OSBPL8: variants seen among roughly 807,000 people sequenced by gnomAD.
The protein encoded by OSBPL8 is oxysterol binding protein like 8.
A neutral mutation model predicts 125.5 loss-of-function variants in OSBPL8; 59 were observed. The observed-to-expected ratio is 0.47, with a 90% CI of 0.38 to 0.58. The LOEUF is 0.58. Among genes scored for constraint, OSBPL8 ranks in the 20% least tolerant of loss-of-function variants. OSBPL8 has a pLI of 0.00. For missense variants in OSBPL8, 758 were observed against 1,047.8 expected (o/e 0.72, Z 3.82); for synonymous variants, 330 against 338.9 (o/e 0.97, Z 0.29).
chr12:76,417,207 A>G (rs1868793536), intron 4 of OSBPL8, among the ~76,000 whole-genome samples: 1 of 152,148 alleles, frequency 6.6e-6, no homozygotes, highest in African/African-American at 2.4e-5. Context: ...TCCATCTGAA[A>G]TCACTCTCCT....
At chr12:76,399,581 A>AT (rs1953963013) in intron 7 of OSBPL8, among the ~76,000 whole-genome samples, 2 of 152,214 alleles carry the variant, frequency 1.3e-5, no homozygotes, top group Admixed American at 6.5e-5. Context: ...CAAGCAATGT[A>AT]TTTTTTACAG....
At chr12:76,521,084 AT>A (rs1423601295) in intron 1 of OSBPL8, among the ~76,000 whole-genome samples, 1 of 152,214 alleles carries the variant, frequency 6.6e-6, no homozygotes, top group Non-Finnish European at 1.5e-5. Flanking sequence ...CACTTCTTAT[AT>A]TTTAAGAATC....
chr12:76,550,413 G>T (rs1160192305), intron 1 of OSBPL8, among the ~76,000 whole-genome samples: 1 of 152,096 alleles, frequency 6.6e-6, no homozygotes, highest in Non-Finnish European at 1.5e-5. Flanking sequence ...CTATTTATTG[G>T]TTTTCATAAT....
At chr12:76,422,894 A>G (rs374559237) in intron 4 of OSBPL8, 23 of 214,870 alleles carry the variant, frequency 1.1e-4, no homozygotes, top group South Asian at 9.4e-4. Flanking sequence ...AGGAACTGAT[A>G]AACATGAAAG....
chr12:76,473,581 GT>G (rs1245633556), intron 2 of OSBPL8, among the ~76,000 whole-genome samples: 1 of 152,142 alleles, frequency 6.6e-6, no homozygotes, highest in African/African-American at 2.4e-5. Flanking sequence ...CTGTACATCA[GT>G]TTTTCAAAAC....
chr12:76,384,376 T>C (rs775134701), intron 14 of OSBPL8, 26 bp from the exon 15 acceptor site: 2 of 1,177,680 alleles, frequency 1.7e-6, no homozygotes, highest in African/African-American at 1.6e-5. Context: ...AAAACATGCA[T>C]ATATAAAATA....
At chr12:76,455,168 G>A (rs1027059830) in intron 3 of OSBPL8, among the ~76,000 whole-genome samples, 9 of 151,892 alleles carry the variant, frequency 5.9e-5, no homozygotes, top group African/African-American at 1.5e-4. Flanking sequence ...GCGTGAACCC[G>A]GGAGGCGGAG....
At chr12:76,511,986 T>C (rs867927184) in intron 1 of OSBPL8, among the ~76,000 whole-genome samples, 1 of 152,198 alleles carries the variant, frequency 6.6e-6, no homozygotes, top group Non-Finnish European at 1.5e-5. Context: ...TTATTTTTAT[T>C]TTGGGTTTGC....
chr12:76,476,077 G>C (rs1876771624), intron 2 of OSBPL8, among the ~76,000 whole-genome samples: 1 of 152,132 alleles, frequency 6.6e-6, no homozygotes, highest in Admixed American at 6.5e-5. Flanking sequence ...ATAAAGAAAA[G>C]TTCCCTAAGA....
rs1312311636 is a variant in OSBPL8 at position 76,354,082 on chromosome 12, T to A, written c.*1807A>T. 6.6e-6 allele frequency: 1 copy of A among 152,290 alleles called. No homozygotes were observed. The highest frequency in any genetic ancestry group is 1.5e-5 in the Non-Finnish European group (1 of 67,780). 9.4% of individuals were successfully genotyped at this position (152,290 alleles called of 1,614,324 possible). ...ATTTAAACCATAAAAAAGATCAAAT[T>A]GTACAATATTTACAGAATATCATAT... On this transcript the variant is annotated 3_prime_UTR_variant, in exon 24 of 24. Coordinates refer to ENST00000261183, the MANE Select transcript of OSBPL8 (RefSeq NM_020841.5).
intron 1 of OSBPL8, among the ~76,000 whole-genome samples, chr12:76,545,212 T>C (rs961390328): frequency 6.6e-6 from 1 of 152,210 alleles, no homozygotes; most frequent in Non-Finnish European, 1.5e-5. Context: ...AACCATATAT[T>C]AATAATTTAG....
chr12:76,445,704 G>C (rs555557341), intron 4 of OSBPL8, among the ~76,000 whole-genome samples: 3 of 152,136 alleles, frequency 2.0e-5, no homozygotes, highest in Admixed American at 6.5e-5. Flanking sequence ...AAATAAAAAA[G>C]ATCAAGGATG....
chr12:76,412,005 T>C (rs1868255085), intron 4 of OSBPL8, among the ~76,000 whole-genome samples: 1 of 152,168 alleles, frequency 6.6e-6, no homozygotes, highest in Admixed American at 6.5e-5. Flanking sequence ...CACGGAGGAA[T>C]TCTAATCCTA....
intron 1 of OSBPL8, among the ~76,000 whole-genome samples, chr12:76,491,820 T>C (rs1830291596): frequency 6.6e-6 from 1 of 152,228 alleles, no homozygotes; most frequent in Non-Finnish European, 1.5e-5. Flanking sequence ...GATACTTGTA[T>C]TTGAATACTG....
intron 21 of OSBPL8, among the ~76,000 whole-genome samples, chr12:76,366,327 T>C (rs1328803532): frequency 6.6e-6 from 1 of 152,236 alleles, no homozygotes; most frequent in Admixed American, 6.5e-5. Context: ...TAGGGATTTG[T>C]TGGCATACAA....
intron 1 of OSBPL8, among the ~76,000 whole-genome samples, chr12:76,488,430 G>A (rs1198874619): frequency 6.6e-6 from 1 of 152,174 alleles, no homozygotes; most frequent in African/African-American, 2.4e-5. Context: ...TGCACAAAGA[G>A]ATACTGCCTT....
At chr12:76,365,009 G>C (rs1281000440) in intron 21 of OSBPL8, among the ~76,000 whole-genome samples, 1 of 152,098 alleles carries the variant, frequency 6.6e-6, no homozygotes, top group Non-Finnish European at 1.5e-5. Flanking sequence ...TGTCTCCCAG[G>C]CTGGAGTATA....
intron 10 of OSBPL8, among the ~76,000 whole-genome samples, chr12:76,391,959 A>T (rs1184831032): frequency 6.6e-6 from 1 of 152,190 alleles, no homozygotes; most frequent in African/African-American, 2.4e-5. Flanking sequence ...AGAAAAGTCT[A>T]ATGTTTTTCC....
intron 1 of OSBPL8, among the ~76,000 whole-genome samples, chr12:76,525,837 G>C (rs1034828668): frequency 5.3e-5 from 8 of 152,126 alleles, no homozygotes; most frequent in Admixed American, 1.3e-4. Flanking sequence ...AATGTACAAA[G>C]AACCCATTCA....
Sources: gnomAD v4.1 joint callset for allele counts (sites outside exome capture counted in the v4.1 genomes callset) on GRCh38, gnomAD v4.1.1 for gene constraint, MANE v1.5 for transcripts, NCBI Gene and HGNC (gene_info 2026-07-23, HGNC 2026-07-21) for gene names.